The following ZNF695 variants were observed in gnomAD, a reference collection of about 807,000 sequenced individuals.
ZNF695 encodes the protein zinc finger protein SBZF3.
In ZNF695, 11 loss-of-function variants were observed where a neutral mutation model predicts 11.2. The ratio of observed to expected loss-of-function variants is 0.98; its 90% confidence interval spans 0.62 to 1.62. ZNF695 has a LOEUF of 1.62. ZNF695 is among the 40% of genes most tolerant of loss of function. The probability of loss-of-function intolerance (pLI) is 0.00; values close to 1 mark genes in which losing one functional copy is unlikely to be tolerated. For synonymous variants in ZNF695, 190 were observed against 201.4 expected (o/e 0.94, Z 0.48); for missense variants, 559 against 590.5 (o/e 0.95, Z 0.55).
intron 3 of ZNF695, among the ~76,000 whole-genome samples, chr1:246,994,879 G>A (rs994789439): frequency 4.6e-5 from 7 of 151,836 alleles, no homozygotes; most frequent in African/African-American, 4.8e-5. Context: ...CAAAAAACAC[G>A]AACAACTCAC....
rs1278479759 is a variant in ZNF695, at chr1:246,987,027, T to G, written c.1488A>C (p.Glu496Asp). The change falls in exon 4 of 4, where the codon GAA (glutamate) becomes GAC (aspartate). Residue 496 changes from glutamate (E) to aspartate (D), a missense_variant. By Grantham distance (45) the Glu-to-Asp change is conservative. Coordinates refer to ENST00000339986, the MANE Select transcript of ZNF695 (RefSeq NM_020394.5). ...HTREKPYKCE[E>D]CGKAFNHSAQ... ...CAGAGTGGTTAAAGGCTTTGCCACA[T>G]TCCTCACACTTGTATGGTTTCTCTC... The G allele has an allele frequency of 3.7e-6, 6 of 1,611,722 alleles. No individual in the cohort carries two copies. Among genetic ancestry groups the G allele is most frequent in the Non-Finnish European group, 5.1e-6 (6 of 1,179,312 alleles).
At chr1:246,959,421 G>A (rs1185826572) in intron 5 of ZNF695, among the ~76,000 whole-genome samples, 1 of 139,380 alleles carries the variant, frequency 7.2e-6, no homozygotes, top group African/African-American at 2.7e-5. Flanking sequence ...AACCCAAAAT[G>A]GGCATTTTTT....
At chr1:246,984,129 G>A (rs1668780348), downstream of ZNF695, among the ~76,000 whole-genome samples, 1 of 139,800 alleles carries the variant, frequency 7.2e-6, no homozygotes, top group South Asian at 2.3e-4. Context: ...ACCAGCCTGG[G>A]TGACACAGTG....
At chr1:246,948,938 C>T (rs1667804330) in intron 5 of ZNF695, among the ~76,000 whole-genome samples, 1 of 152,144 alleles carries the variant, frequency 6.6e-6, no homozygotes, top group Middle Eastern at 3.2e-3. Flanking sequence ...AAATTACATA[C>T]CCTATGTACA....
At chr1:246,961,541 G>A (rs957232771) in intron 5 of ZNF695, among the ~76,000 whole-genome samples, 1 of 152,116 alleles carries the variant, frequency 6.6e-6, no homozygotes, top group Non-Finnish European at 1.5e-5. Flanking sequence ...ATACGTACAG[G>A]AAGGCTCTGC....
intron 3 of ZNF695, among the ~76,000 whole-genome samples, chr1:246,989,086 T>C: frequency 8.4e-6 from 1 of 118,956 alleles, no homozygotes; most frequent in South Asian, 3.0e-4. Context: ...AGAGCGAGAC[T>C]CCGTCTCAGA....
downstream of ZNF695, among the ~76,000 whole-genome samples, chr1:246,983,443 C>G (rs903162182): frequency 5.3e-5 from 8 of 152,188 alleles, no homozygotes; most frequent in Middle Eastern, 3.4e-3. Flanking sequence ...ATAACCTGAG[C>G]CTGGGAGGTT....
intron 3 of ZNF695, among the ~76,000 whole-genome samples, chr1:246,988,617 A>G (rs1558315900): frequency 6.6e-6 from 1 of 152,194 alleles, no homozygotes. Context: ...TCCTTCAAAC[A>G]TAAAGAGAAA....
At chr1:246,970,117 T>A (rs1328508122) in intron 4 of ZNF695, among the ~76,000 whole-genome samples, 1 of 152,208 alleles carries the variant, frequency 6.6e-6, no homozygotes, top group Non-Finnish European at 1.5e-5. Flanking sequence ...TTAACACAGG[T>A]GTTTTTGAGT....
intron 3 of ZNF695, among the ~76,000 whole-genome samples, chr1:246,992,825 C>T (rs1014875492): frequency 6.6e-6 from 1 of 152,070 alleles, no homozygotes; most frequent in African/African-American, 2.4e-5. Flanking sequence ...TACCTTTTTT[C>T]CAATAAGGTA....
intron 5 of ZNF695, among the ~76,000 whole-genome samples, chr1:246,960,996 T>C (rs916453109): frequency 2.6e-5 from 4 of 152,164 alleles, no homozygotes; most frequent in Non-Finnish European, 5.9e-5. Context: ...TCTTTTGAGC[T>C]CAAAAATGTT....
At chr1:246,977,319 T>A (rs1017498577) in intron 4 of ZNF695, among the ~76,000 whole-genome samples, 4 of 152,198 alleles carry the variant, frequency 2.6e-5, no homozygotes, top group African/African-American at 9.6e-5. Context: ...TGCAGTGGTG[T>A]GATCTTGGCT....
chr1:246,952,742 A>G (rs1466537530), intron 5 of ZNF695, among the ~76,000 whole-genome samples: 1 of 151,632 alleles, frequency 6.6e-6, no homozygotes, highest in African/African-American at 2.4e-5. Flanking sequence ...TATTTAATTC[A>G]TCTTTTATTC....
At position 246,975,875 on chromosome 1, in the gene ZNF695, A is replaced by AGAAGAGAACAACTTATTCTATTAGGC. The variant is rs1334253520; in HGVS notation, c.391-8109_391-8084dup. Reference sequence around the variant, plus strand: ...GGCTAAGTCTCAAAAGAGGTAAAAGAGAAGAGAACAACTTATTCTATTAGG... The same window carrying AGAAGAGAACAACTTATTCTATTAGGC: ...GGCTAAGTCTCAAAAGAGGTAAAAGAGAAGAGAACAACTTATTCTATTAGGCGAAGAGAACAACTTATTCTATTAGG... On this transcript the variant is annotated intron_variant, in intron 4 of 5. Transcript: ENST00000487338. Among the ~76,000 whole-genome samples, 95 of 152,186 alleles carry AGAAGAGAACAACTTATTCTATTAGGC rather than the reference A, an allele frequency of 6.2e-4. 1 individual carries two copies. Among genetic ancestry groups the AGAAGAGAACAACTTATTCTATTAGGC allele is most frequent in the African/African-American group, 2.1e-3 (88 of 41,444 alleles).
chr1:246,995,925 C>T, intron 3 of ZNF695: 1 of 373,780 alleles, frequency 2.7e-6, no homozygotes, highest in South Asian at 2.0e-5. Flanking sequence ...AGAAACAAAC[C>T]TCCACATATA....
At chr1:247,004,073 G>A (rs888941058) in intron 1 of ZNF695, among the ~76,000 whole-genome samples, 1 of 152,158 alleles carries the variant, frequency 6.6e-6, no homozygotes, top group East Asian at 1.9e-4. Context: ...TTAGCCGGGT[G>A]TGGTGGCAGG....
intron 5 of ZNF695, among the ~76,000 whole-genome samples, chr1:246,953,833 G>A (rs574823126): frequency 3.4e-4 from 51 of 151,810 alleles, no homozygotes; most frequent in Non-Finnish European, 4.6e-4. Flanking sequence ...GGCTGAGGCA[G>A]GAGAATCACT....
chr1:246,989,473 C>T (rs112607076), intron 3 of ZNF695, among the ~76,000 whole-genome samples: 2,301 of 152,104 alleles, frequency 0.015, 68 homozygotes, highest in African/African-American at 0.051. Flanking sequence ...AAAAAACATA[C>T]AATGGATACA....
intron 4 of ZNF695, chr1:246,979,709 C>G (rs1341264432): frequency 3.6e-5 from 5 of 138,266 alleles, no homozygotes; most frequent in African/African-American, 1.2e-4. Context: ...TTTTGTTTCA[C>G]ATAATTTGCT....
Sources: gnomAD v4.1 joint callset for allele counts (sites outside exome capture counted in the v4.1 genomes callset) on GRCh38, gnomAD v4.1.1 for gene constraint, MANE v1.5 for transcripts, NCBI Gene and HGNC (gene_info 2026-07-23, HGNC 2026-07-21) for gene names.